Variants in GLRA2 observed in about 807,000 individuals in gnomAD.
The protein encoded by GLRA2 is glycine receptor alpha 2, also known as glycine receptor subunit alpha-2.
GLRA2 carries 11 observed loss-of-function variants against 31.6 expected under a neutral mutation model. The observed-to-expected ratio is 0.35, with a 90% confidence interval of 0.22 to 0.58. GLRA2 has a LOEUF of 0.58. Ranked by LOEUF, GLRA2 falls within the 20% of genes least tolerant of loss-of-function variation. The pLI is 0.84. For synonymous variants in GLRA2, 132 were observed against 134.0 expected, an observed-to-expected ratio of 0.99 and a Z score of 0.10; for missense variants, 212 against 351.8, an observed-to-expected ratio of 0.60 and a Z score of 3.18.
chrX:14,697,761 T>C (rs1325288147), intron 8 of GLRA2, among the ~76,000 whole-genome samples: 1 of 111,579 alleles, frequency 9.0e-6, no homozygotes, highest in Non-Finnish European at 1.9e-5. Flanking sequence ...GTGGGAAACA[T>C]GGAAAATCAC....
chrX:14,577,717 C>T (rs974147586), intron 3 of GLRA2, among the ~76,000 whole-genome samples: 12 of 111,373 alleles, frequency 1.1e-4, no homozygotes, highest in Admixed American at 2.9e-4. Flanking sequence ...CCAAAGGCCC[C>T]GCTTCTACCC....
At position 14,557,576 on chromosome X, in the gene GLRA2, T is replaced by C. The variant is rs5935770; in HGVS notation, c.203-16757T>C. Among the ~76,000 whole-genome samples the C allele has an allele frequency of 3.4e-3, 378 of 112,523 alleles. 1 individual carries two copies. The highest frequency in any genetic ancestry group is 5.4e-3 in the Non-Finnish European group (290 of 53,322). On this transcript the variant is annotated intron_variant, in intron 2 of 8. Coordinates refer to ENST00000218075, the MANE Select transcript of GLRA2 (RefSeq NM_002063.4). Reference sequence around the variant, plus strand: ...AACTGAAGCTCATTTCATTATTACATAAAATGTGATCTTTGTTAAATAAAC... The same window carrying C: ...AACTGAAGCTCATTTCATTATTACACAAAATGTGATCTTTGTTAAATAAAC...
At chrX:14,692,080 T>A (rs2091369758) in intron 8 of GLRA2, among the ~76,000 whole-genome samples, 2 of 111,888 alleles carry the variant, frequency 1.8e-5, no homozygotes, top group African/African-American at 6.5e-5. Flanking sequence ...GCTCACTGAG[T>A]TCTGACTGCA....
intron 4 of GLRA2, among the ~76,000 whole-genome samples, chrX:14,591,127 C>T (rs2090141527): frequency 8.9e-6 from 1 of 111,945 alleles, no homozygotes; most frequent in Non-Finnish European, 1.9e-5. Flanking sequence ...CACTATGGGA[C>T]CTAATATTGG....
the GLRA2 span, among the ~76,000 whole-genome samples, chrX:14,452,582 G>C: frequency 8.9e-6 from 1 of 112,328 alleles, no homozygotes; most frequent in Non-Finnish European, 1.9e-5. Context: ...ATAAATGTTG[G>C]CAGAATCCAG....
intron 7 of GLRA2, among the ~76,000 whole-genome samples, chrX:14,637,516 CCA>C (rs768559315): frequency 5.4e-5 from 6 of 112,039 alleles, no homozygotes; most frequent in African/African-American, 1.9e-4. Context: ...AATCTTCTAT[CCA>C]CACTTATGAA....
At chrX:14,660,257 T>A in intron 7 of GLRA2, among the ~76,000 whole-genome samples, 1 of 111,068 alleles carries the variant, frequency 9.0e-6, no homozygotes, top group Admixed American at 9.6e-5. Context: ...AAAGACTTGA[T>A]GGAGTGAGGA....
the GLRA2 span, among the ~76,000 whole-genome samples, chrX:14,479,295 T>G: frequency 1.8e-5 from 2 of 112,276 alleles, no homozygotes; most frequent in Non-Finnish European, 3.8e-5. Flanking sequence ...CTTCTTTAAT[T>G]GAGTCAGATT....
intron 2 of GLRA2, among the ~76,000 whole-genome samples, chrX:14,559,770 G>A (rs988631628): frequency 6.4e-5 from 7 of 109,240 alleles, no homozygotes; most frequent in Non-Finnish European, 1.3e-4. Flanking sequence ...TTGTTGCCCA[G>A]GCTGGATTGC....
At chrX:14,697,723 G>A (rs2091469192) in intron 8 of GLRA2, among the ~76,000 whole-genome samples, 2 of 110,999 alleles carry the variant, frequency 1.8e-5, no homozygotes, top group African/African-American at 6.6e-5. Context: ...AATCCATGAA[G>A]CCACCGGGCT....
the GLRA2 span, among the ~76,000 whole-genome samples, chrX:14,459,053 G>T: frequency 1.8e-5 from 2 of 111,807 alleles, no homozygotes; most frequent in African/African-American, 6.5e-5. Flanking sequence ...TTTTATATAA[G>T]GTGTAAGGAA....
intron 7 of GLRA2, among the ~76,000 whole-genome samples, chrX:14,655,103 G>A (rs2090926864): frequency 9.0e-6 from 1 of 111,290 alleles, no homozygotes; most frequent in East Asian, 2.8e-4. Flanking sequence ...ATTCCAAAAT[G>A]GAGGAGAGGG....
At chrX:14,449,238 G>T in the GLRA2 span, among the ~76,000 whole-genome samples, 1 of 112,342 alleles carries the variant, frequency 8.9e-6, no homozygotes, top group Non-Finnish European at 1.9e-5. Flanking sequence ...CTTGCACAGA[G>T]CTGCCAAGTG....
chrX:14,585,015 G>C (rs1318234699), intron 4 of GLRA2, among the ~76,000 whole-genome samples: 1 of 111,408 alleles, frequency 9.0e-6, no homozygotes, highest in Non-Finnish European at 1.9e-5. Context: ...TGTGTCTCTG[G>C]TTCCCAAGCA....
chrX:14,534,213 GTT>G (rs368371153), intron 2 of GLRA2, among the ~76,000 whole-genome samples: 159 of 95,605 alleles, frequency 1.7e-3, no homozygotes, highest in Middle Eastern at 0.016. Flanking sequence ...GTGTGGCCAT[GTT>G]TTTTTTTTTT....
upstream of GLRA2, among the ~76,000 whole-genome samples, chrX:14,524,524 T>C (rs2089181458): frequency 8.9e-6 from 1 of 112,087 alleles, no homozygotes; most frequent in Admixed American, 9.5e-5. Flanking sequence ...AAACCTCTAT[T>C]TGGTGGGTGT....
chrX:14,487,852 A>C, the GLRA2 span, among the ~76,000 whole-genome samples: 4 of 111,747 alleles, frequency 3.6e-5, no homozygotes, highest in Non-Finnish European at 7.5e-5. Flanking sequence ...TTCAGATTCT[A>C]ATACTCTAGT....
At chrX:14,640,821 T>C (rs2090764533) in intron 7 of GLRA2, among the ~76,000 whole-genome samples, 1 of 111,353 alleles carries the variant, frequency 9.0e-6, no homozygotes, top group Non-Finnish European at 1.9e-5. Flanking sequence ...AAATCTTCTA[T>C]GAAAATTTGG....
intron 7 of GLRA2, among the ~76,000 whole-genome samples, chrX:14,669,847 C>G (rs1329144762): frequency 8.9e-6 from 1 of 112,372 alleles, no homozygotes; most frequent in African/African-American, 3.2e-5. Flanking sequence ...TCTTCATTGT[C>G]TTGGTGATTA....
Sources: gnomAD v4.1 joint callset for allele counts (sites outside exome capture counted in the v4.1 genomes callset) on GRCh38, gnomAD v4.1.1 for gene constraint, MANE v1.5 for transcripts, NCBI Gene and HGNC (gene_info 2026-07-23, HGNC 2026-07-21) for gene names.